Variants in NUP210 observed in about 807,000 individuals in gnomAD.
NUP210 encodes nucleoporin 210.
NUP210 carries 151 observed loss-of-function variants against 196.0 expected under a neutral mutation model. The observed-to-expected ratio is 0.77, with a 90% CI of 0.67 to 0.88. NUP210 has a LOEUF of 0.88. Among genes scored for constraint, NUP210 ranks in the 40% least tolerant of loss-of-function variants. The pLI, the probability that NUP210 is intolerant of heterozygous loss-of-function variation, is 0.00. For synonymous variants in NUP210, 1,070 were observed against 1,052.7 expected, an observed-to-expected ratio of 1.02 and a Z score of -0.32; for missense variants, 2,314 against 2,493.7, an observed-to-expected ratio of 0.93 and a Z score of 1.53.
rs1697820277 is a variant in NUP210 at position 13,348,070 on chromosome 3, C to T, written c.2835+3809G>A. Among the ~76,000 whole-genome samples, 1 of 152,252 alleles carries T rather than the reference C, an allele frequency of 6.6e-6. No individual in the cohort carries two copies. Among genetic ancestry groups the T allele is most frequent in the Non-Finnish European group, 1.5e-5 (1 of 68,048 alleles). On this transcript the variant is annotated intron_variant, in intron 20 of 39. Transcript: ENST00000254508. This position sits in a 1 kb window ranked among gnomAD's most constrained non-coding sequence, Gnocchi z 4.0. The stretch of plus-strand genomic sequence containing the variant: ...CAATGGGCACTCTGTGCCACTCAAC[C>T]AGGCCAGCGGCCATTCCACAATTCA...
At position 13,396,167 on chromosome 3, in the gene NUP210, A is replaced by T. The variant is rs1416485901; in HGVS notation, c.436+1190T>A. ...ATTTTTGATTGTCATGGCTTGGGAGACACTACTAACATCTAGTACGTAGAG... is the reference window on the plus strand; with the variant it reads ...ATTTTTGATTGTCATGGCTTGGGAGTCACTACTAACATCTAGTACGTAGAG... On this transcript the variant is annotated intron_variant, in intron 3 of 39. Coordinates refer to ENST00000254508, the MANE Select transcript of NUP210 (RefSeq NM_024923.4). 5.9e-5 allele frequency among the ~76,000 whole-genome samples: 9 copies of T among 152,284 alleles called. No individual in the cohort carries two copies. In the East Asian group the frequency reaches 1.7e-3, roughly 29 times the overall value.
intron 27 of NUP210, among the ~76,000 whole-genome samples, chr3:13,336,039 G>C (rs933512533): frequency 6.6e-6 from 1 of 152,222 alleles, no homozygotes; most frequent in African/African-American, 2.4e-5. Flanking sequence ...GGAGCAATCT[G>C]GGGGAGCCCC....
At chr3:13,354,246 C>T (rs1253662833) in intron 16 of NUP210, 139 bp from the exon 17 acceptor site, 1 of 731,464 alleles carries the variant, frequency 1.4e-6, no homozygotes, top group Non-Finnish European at 2.2e-6. Flanking sequence ...TGCCAGAAAG[C>T]AATCCTCACT....
intron 13 of NUP210, 40 bp from the exon 14 acceptor site, chr3:13,366,131 C>T (rs1559330721): frequency 2.5e-6 from 4 of 1,591,710 alleles, no homozygotes; most frequent in South Asian, 2.2e-5. Flanking sequence ...CCTGAAATCA[C>T]TTTTTTCTTT....
intron 9 of NUP210, 24 bp from the exon 10 acceptor site, chr3:13,376,455 G>A: frequency 1.2e-6 from 2 of 1,613,922 alleles, no homozygotes; most frequent in Non-Finnish European, 1.7e-6. Context: ...CAGGACAGGA[G>A]AGAGGTGCTT....
At chr3:13,372,860 A>ATC (rs1045840324) in intron 12 of NUP210, among the ~76,000 whole-genome samples, 1 of 152,114 alleles carries the variant, frequency 6.6e-6, no homozygotes, top group Non-Finnish European at 1.5e-5. Context: ...TGTCCTCAGG[A>ATC]TCTGGCTGGG....
chr3:13,360,155 A>G (rs1698319922), intron 15 of NUP210, 115 bp downstream of exon 15: 4 of 871,908 alleles, frequency 4.6e-6, no homozygotes, highest in African/African-American at 1.7e-5. Flanking sequence ...AAATGGGTAC[A>G]ATAGGAGTGG....
Position 13,352,172 on chromosome 3 carries a change from C to T in NUP210, c.2641G>A (p.Val881Met). 6.2e-7 allele frequency: 1 copy of T among 1,613,014 alleles called. No homozygotes were observed. Among genetic ancestry groups the T allele is most frequent in the South Asian group, 1.1e-5 (1 of 91,026 alleles). The stretch of plus-strand genomic sequence containing the variant: ...AGCTCTATGGAGGCCGACAGAGGCA[C>T]CAGAGGGTCATGCTGAAGGACAAGG... The part of the protein sequence containing the change: ...ARTKQPHDPL[V>M]PLSASIELIL... Residue 881 changes from valine to methionine, a missense_variant, in exon 19 of 40, where the codon GTG becomes ATG. Coordinates refer to ENST00000254508, the MANE Select transcript of NUP210 (RefSeq NM_024923.4).
chr3:13,366,188 G>A, intron 13 of NUP210, 97 bp from the exon 14 acceptor site: 3 of 1,254,136 alleles, frequency 2.4e-6, no homozygotes, highest in Non-Finnish European at 3.3e-6. Flanking sequence ...GAGTACAGTG[G>A]CATGATCTTG....
At position 13,330,445 on chromosome 3, in the gene NUP210, A is replaced by C. The variant is rs942125764; in HGVS notation, c.4110+15T>G. Reference sequence around the variant, plus strand: ...TGCTTTCATTACTCCAAAAAGGAGGAGAATGCAACCCTACCTTTACAGCAA... The same window carrying C: ...TGCTTTCATTACTCCAAAAAGGAGGCGAATGCAACCCTACCTTTACAGCAA... On this transcript the variant is annotated intron_variant, in intron 30 of 39. Coordinates refer to ENST00000254508, the MANE Select transcript of NUP210 (RefSeq NM_024923.4). 3.1e-6 allele frequency: 5 copies of C among 1,610,624 alleles called. No homozygotes were observed. Among genetic ancestry groups the C allele is most frequent in the Non-Finnish European group, 4.2e-6 (5 of 1,177,844 alleles).
In NUP210 at chr3:13,377,403, T is replaced by A; in HGVS notation, c.1152+53A>T. ...TGGGGGCTGCTCTTCAGCAGCCGCGTCAGACAACGACCCCACCTCATCCCC... is the reference window on the plus strand; with the variant it reads ...TGGGGGCTGCTCTTCAGCAGCCGCGACAGACAACGACCCCACCTCATCCCC... On this transcript the variant is annotated intron_variant, in intron 9 of 39. Coordinates refer to ENST00000254508, the MANE Select transcript of NUP210 (RefSeq NM_024923.4). The A allele has an allele frequency of 7.5e-6, 10 of 1,330,016 alleles. No individual in the cohort carries two copies. In the South Asian group the frequency reaches 1.2e-4, roughly 16 times the overall value. The allele number at this position is 1,330,016 out of a possible 1,614,324, so 82.4% of individuals were successfully genotyped here. A position where few individuals can be genotyped will look rare whatever the true frequency, so the allele number is the denominator to read the frequency against.
chr3:13,380,902 T>C (rs973535747), intron 6 of NUP210, among the ~76,000 whole-genome samples: 5 of 152,250 alleles, frequency 3.3e-5, no homozygotes, highest in African/African-American at 1.2e-4. Context: ...CACTAGAACA[T>C]TGGGTCCCCA....
At chr3:13,385,200 A>C (rs543968575) in intron 6 of NUP210, among the ~76,000 whole-genome samples, 41 of 152,046 alleles carry the variant, frequency 2.7e-4, no homozygotes, top group African/African-American at 8.9e-4. Flanking sequence ...ACAATGCAGC[A>C]CCTCCCATCA....
At chr3:13,335,661 G>T (rs758986522) in intron 27 of NUP210, 49 bp from the exon 28 acceptor site, 1 of 1,596,378 alleles carries the variant, frequency 6.3e-7, no homozygotes, top group South Asian at 1.1e-5. Context: ...AGGCCCCTGT[G>T]TCCTCAAAAA....
intron 1 of NUP210, among the ~76,000 whole-genome samples, chr3:13,417,728 A>T (rs1700392680): frequency 6.6e-6 from 1 of 152,238 alleles, no homozygotes; most frequent in Non-Finnish European, 1.5e-5. Context: ...AGACACTTTG[A>T]ATAGCAGTCA....
chr3:13,388,694 G>A (rs1018500215), intron 4 of NUP210, among the ~76,000 whole-genome samples: 2 of 152,250 alleles, frequency 1.3e-5, no homozygotes, highest in Non-Finnish European at 1.5e-5. Context: ...TTGTCTCCAA[G>A]ATGCCTGGGA....
At chr3:13,357,990 T>C (rs1476264538) in intron 16 of NUP210, among the ~76,000 whole-genome samples, 3 of 152,220 alleles carry the variant, frequency 2.0e-5, no homozygotes, top group South Asian at 2.1e-4. Context: ...CACCTGGCAC[T>C]GCCACTAGTA....
Position 13,323,272 on chromosome 3 carries a change from G to C in NUP210, c.4768+37C>G. The stretch of plus-strand genomic sequence containing the variant: ...ACAGGAAGCCACCTCCCCGCTCCCA[G>C]GTACTCTGAAGACAGCCCAAGCCCC... On this transcript the variant is annotated intron_variant, in intron 34 of 39. Coordinates refer to ENST00000254508, the MANE Select transcript of NUP210 (RefSeq NM_024923.4). The surrounding 1 kb of genome is among the most constrained non-coding windows in gnomAD (Gnocchi z 4.3). The C allele has an allele frequency of 6.2e-7, 1 of 1,612,900 alleles. No individual in the cohort carries two copies. Among genetic ancestry groups the C allele is most frequent in the Non-Finnish European group, 8.5e-7 (1 of 1,179,296 alleles).
chr3:13,399,961 G>A (rs1699781758), intron 1 of NUP210, 100 bp from the exon 2 acceptor site: 2 of 1,399,306 alleles, frequency 1.4e-6, no homozygotes, highest in Non-Finnish European at 9.6e-7. Context: ...GCGCAGTCCT[G>A]GACCCAAAGA....
Sources: gnomAD v4.1 joint callset for allele counts (sites outside exome capture counted in the v4.1 genomes callset) on GRCh38, gnomAD v4.1.1 for gene constraint, Gnocchi (gnomAD v3.1) non-coding constraint, MANE v1.5 for transcripts, NCBI Gene and HGNC (gene_info 2026-07-23, HGNC 2026-07-21) for gene names.